The following TMEM132D variants were observed in gnomAD, a reference collection of about 807,000 sequenced individuals.
TMEM132D encodes transmembrane protein 132D.
A neutral mutation model predicts 62.3 loss-of-function variants in TMEM132D; 21 were observed. That is an observed-to-expected ratio of 0.34 (90% CI 0.24 to 0.49). TMEM132D has a LOEUF of 0.49. TMEM132D is among the 20% of genes least tolerant of loss of function. TMEM132D has a pLI of 0.99. For missense variants in TMEM132D, 1,346 were observed against 1,402.8 expected (o/e 0.96, Z 0.65); for synonymous variants, 621 against 575.6 (o/e 1.08, Z -1.13).
intron 3 of TMEM132D, among the ~76,000 whole-genome samples, chr12:129,513,625 C>G (rs1323972448): frequency 6.7e-6 from 1 of 150,256 alleles, no homozygotes; most frequent in Non-Finnish European, 1.5e-5. Context: ...GCTGGGACTA[C>G]AGGCACCCAC....
rs71082712 is a variant in TMEM132D at position 129,429,367 on chromosome 12, TTTTG to T, written c.1116-91554_1116-91551del. ...TAATAGAGGAAATTGCTTTATAGTT[TTTTG>T]TTTGTTTGTTTGTTTGTTTGTCATT... On this transcript the variant is annotated intron_variant, in intron 3 of 8. Transcript: ENST00000422113. 7.1e-3 allele frequency among the ~76,000 whole-genome samples: 1,076 copies of T among 151,730 alleles called. 36 individuals carry two copies. Among genetic ancestry groups the T allele is most frequent in the Admixed American group, 0.054 (828 of 15,250 alleles).
chr12:129,154,258 A>G (rs1282179165), intron 5 of TMEM132D, among the ~76,000 whole-genome samples: 1 of 152,190 alleles, frequency 6.6e-6, no homozygotes, highest in Non-Finnish European at 1.5e-5. Context: ...CAGGAGAAGA[A>G]CCAGGTAGCA....
intron 2 of TMEM132D, among the ~76,000 whole-genome samples, chr12:129,613,922 T>G (rs1593089203): frequency 6.0e-5 from 8 of 133,704 alleles, no homozygotes; most frequent in South Asian, 2.4e-4. Context: ...GAACCCAGAG[T>G]ACTGTCTGCA....
chr12:129,090,243 T>A (rs182820017), intron 5 of TMEM132D, among the ~76,000 whole-genome samples: 63 of 152,296 alleles, frequency 4.1e-4, no homozygotes, highest in African/African-American at 1.4e-3. Context: ...AGTGGCTTTA[T>A]TATCATCTGT....
chr12:129,761,985 G>C (rs979476373), intron 1 of TMEM132D, among the ~76,000 whole-genome samples: 1 of 152,040 alleles, frequency 6.6e-6, no homozygotes, highest in Non-Finnish European at 1.5e-5. Context: ...ACAACACCTC[G>C]GGCCTGGAAT....
chr12:129,570,386 C>G (rs138839511), intron 2 of TMEM132D, among the ~76,000 whole-genome samples: 107 of 152,302 alleles, frequency 7.0e-4, no homozygotes, highest in African/African-American at 2.6e-3. Flanking sequence ...AAATAGATAG[C>G]CTGAGACAAG....
intron 1 of TMEM132D, among the ~76,000 whole-genome samples, chr12:129,737,935 A>G (rs189778123): frequency 6.6e-6 from 1 of 152,348 alleles, no homozygotes; most frequent in East Asian, 1.9e-4. Context: ...CAATGCCACA[A>G]AGACTCACCT....
intron 2 of TMEM132D, among the ~76,000 whole-genome samples, chr12:129,660,438 G>T (rs1163169564): frequency 6.6e-6 from 1 of 152,090 alleles, no homozygotes; most frequent in East Asian, 1.9e-4. Context: ...ACGGAGGTCT[G>T]ATTGAATCAG....
At chr12:129,886,768 TG>T (rs1593199213) in intron 1 of TMEM132D, among the ~76,000 whole-genome samples, 1 of 152,136 alleles carries the variant, frequency 6.6e-6, no homozygotes, top group African/African-American at 2.4e-5. Context: ...CCACGTGTCG[TG>T]GAAGGGACCC....
intron 5 of TMEM132D, among the ~76,000 whole-genome samples, chr12:129,184,541 AGGGCTGGGGTGGTGGATTTT>A (rs1878164815): frequency 6.6e-6 from 1 of 152,190 alleles, no homozygotes; most frequent in African/African-American, 2.4e-5. Context: ...CTAGCCCAGA[AGGGCTGGGGTGGTGGATTTT>A]GGGCTGGGGT....
intron 4 of TMEM132D, among the ~76,000 whole-genome samples, chr12:129,317,717 A>G (rs78929743): frequency 0.012 from 1,889 of 152,238 alleles, 43 homozygotes; most frequent in African/African-American, 0.043. Context: ...AGTTTTCCTC[A>G]ATTTTCCCCC....
At chr12:129,271,195 G>GCACATGGATAGTGCATTAAACTAGCATT (rs1880844227) in intron 4 of TMEM132D, among the ~76,000 whole-genome samples, 2 of 151,776 alleles carry the variant, frequency 1.3e-5, no homozygotes, top group African/African-American at 4.9e-5. Flanking sequence ...GGATTTGTTA[G>GCACATGGATAGTGCATTAAACTAGCATT]GAAAAAAAAT....
At chr12:129,337,508 T>C (rs1441509197) in intron 4 of TMEM132D, 126 bp downstream of exon 4, 38 of 1,128,766 alleles carry the variant, frequency 3.4e-5, no homozygotes, top group Non-Finnish European at 4.2e-5. Context: ...CTTTGTGGTT[T>C]CGTTTCTCAC....
At chr12:129,413,442 T>C (rs565504493) in intron 3 of TMEM132D, among the ~76,000 whole-genome samples, 13 of 152,340 alleles carry the variant, frequency 8.5e-5, no homozygotes, top group African/African-American at 2.9e-4. Flanking sequence ...CTTTATAAAT[T>C]ACACAGACTT....
chr12:129,652,085 T>C (rs1879944846), intron 2 of TMEM132D, among the ~76,000 whole-genome samples: 1 of 152,168 alleles, frequency 6.6e-6, no homozygotes, highest in Non-Finnish European at 1.5e-5. Flanking sequence ...GGAAGAGGCA[T>C]GTATAATCTC....
At chr12:129,666,718 A>C (rs1279196665) in intron 2 of TMEM132D, among the ~76,000 whole-genome samples, 1 of 152,240 alleles carries the variant, frequency 6.6e-6, no homozygotes, top group Non-Finnish European at 1.5e-5. Flanking sequence ...ACCCCAGTAC[A>C]TAATTAAAAC....
At chr12:129,693,792 C>T (rs572979787) in intron 2 of TMEM132D, among the ~76,000 whole-genome samples, 15 of 152,314 alleles carry the variant, frequency 9.8e-5, no homozygotes, top group African/African-American at 2.9e-4. Flanking sequence ...AGTAAAAAAA[C>T]ACACCCCTGG....
intron 2 of TMEM132D, among the ~76,000 whole-genome samples, chr12:129,669,922 G>C (rs1880465182): frequency 6.6e-6 from 1 of 152,162 alleles, no homozygotes; most frequent in African/African-American, 2.4e-5. Context: ...GCCTGCAGGA[G>C]TCGCTCAGAC....
At chr12:129,782,338 G>A (rs1406229542) in intron 1 of TMEM132D, among the ~76,000 whole-genome samples, 1 of 152,154 alleles carries the variant, frequency 6.6e-6, no homozygotes, top group African/African-American at 2.4e-5. Context: ...CATGGGCTCT[G>A]GAATTGGAAA....
Sources: allele counts gnomAD v4.1 joint callset (sites outside exome capture counted in the v4.1 genomes callset), GRCh38; gene constraint gnomAD v4.1.1; transcripts MANE v1.5; gene names NCBI Gene and HGNC (gene_info 2026-07-23, HGNC 2026-07-21).